Variants in RGS7 observed in about 807,000 individuals in gnomAD.
RGS7 encodes regulator of G protein signaling 7.
In RGS7, 27 loss-of-function variants were observed where a neutral mutation model predicts 81.1. That is an observed-to-expected ratio of 0.33 (90% confidence interval 0.25 to 0.46). The LOEUF (loss-of-function observed/expected upper bound fraction) is 0.46, where lower values mean the gene tolerates loss of function less well. Ranked by LOEUF, RGS7 falls within the 20% of genes least tolerant of loss-of-function variation. The pLI, the probability that RGS7 is intolerant of heterozygous loss-of-function variation, is 1.00. For synonymous variants in RGS7, 208 were observed against 207.7 expected (o/e 1.00, Z -0.01); for missense variants, 396 against 607.4 (o/e 0.65, Z 3.66).
rs770058894 is a variant in RGS7, at chr1:240,870,117, C to T, written c.388G>A (p.Val130Ile). ...CWEPENTDYA[V>I]YLCKRTMQNK... ...TGCATTGTTCTCTTGCAGAGGTAAA[C>T]GGCTGAAAAAAAAATCAATCATTTC... The change falls in exon 7 of 19, where the codon GTT becomes ATT. Residue 130 changes from valine (V) to isoleucine (I), a missense_variant and splice_region_variant. Physicochemically the swap from Val to Ile is conservative, Grantham distance 29. Coordinates refer to ENST00000440928, the MANE Select transcript of RGS7 (RefSeq NM_001364886.1). 8 of 1,613,276 alleles carry T rather than the reference C, an allele frequency of 5.0e-6. No individual in the cohort carries two copies. Among genetic ancestry groups the T allele is most frequent in the African/African-American group, 1.3e-5 (1 of 74,788 alleles).
chr1:241,330,161 G>A (rs963903051), intron 2 of RGS7, among the ~76,000 whole-genome samples: 1 of 152,004 alleles, frequency 6.6e-6, no homozygotes. Context: ...GGATGGTCTC[G>A]ATCTCCTGAC....
chr1:240,904,141 C>T (rs959111309), intron 6 of RGS7, among the ~76,000 whole-genome samples: 4 of 152,112 alleles, frequency 2.6e-5, no homozygotes, highest in South Asian at 2.1e-4. Flanking sequence ...CTCTTAGTTC[C>T]AAGACACAAC....
intron 2 of RGS7, among the ~76,000 whole-genome samples, chr1:241,260,920 T>G: frequency 1.3e-5 from 1 of 78,410 alleles, no homozygotes; most frequent in Non-Finnish European, 2.4e-5. Flanking sequence ...TGGGGACTGT[T>G]GTGGGGTGGG....
At chr1:241,032,549 T>G (rs1438570193) in intron 3 of RGS7, among the ~76,000 whole-genome samples, 1 of 152,196 alleles carries the variant, frequency 6.6e-6, no homozygotes, top group Non-Finnish European at 1.5e-5. Flanking sequence ...TTGCATTGAA[T>G]CTGTAGATTG....
chr1:241,323,295 CA>C (rs1347817066), intron 2 of RGS7, among the ~76,000 whole-genome samples: 1 of 152,204 alleles, frequency 6.6e-6, no homozygotes, highest in Non-Finnish European at 1.5e-5. Context: ...AATGTTGTGA[CA>C]ATTTTTTTCA....
chr1:241,250,855 G>A (rs2076794921), intron 2 of RGS7, among the ~76,000 whole-genome samples: 1 of 152,178 alleles, frequency 6.6e-6, no homozygotes, highest in South Asian at 2.1e-4. Context: ...TGGCTCTCTG[G>A]AAGCCCCTCC....
At chr1:241,261,640 A>T (rs868721226) in intron 2 of RGS7, among the ~76,000 whole-genome samples, 1 of 151,374 alleles carries the variant, frequency 6.6e-6, no homozygotes, top group Admixed American at 6.6e-5. Flanking sequence ...AAAAAAAAAA[A>T]AAAAAAAAAT....
chr1:240,952,781 T>C (rs1679776748), intron 4 of RGS7, among the ~76,000 whole-genome samples: 1 of 151,732 alleles, frequency 6.6e-6, no homozygotes, highest in Non-Finnish European at 1.5e-5. Flanking sequence ...AAGACCTGAC[T>C]ATACATGTAT....
intron 3 of RGS7, among the ~76,000 whole-genome samples, chr1:240,986,490 T>C (rs1685683991): frequency 6.6e-6 from 1 of 152,096 alleles, no homozygotes. Context: ...CTCCCCAAAT[T>C]CTATTTTCAC....
intron 3 of RGS7, among the ~76,000 whole-genome samples, chr1:241,007,414 G>A (rs79052127): frequency 0.063 from 9,646 of 152,140 alleles, 365 homozygotes; most frequent in South Asian, 0.086. Flanking sequence ...TATGTTATTA[G>A]TAAAGCTTTT....
At chr1:240,876,140 T>G (rs1160471027) in intron 6 of RGS7, among the ~76,000 whole-genome samples, 2 of 152,164 alleles carry the variant, frequency 1.3e-5, no homozygotes, top group Non-Finnish European at 2.9e-5. Context: ...TTTCAACTCT[T>G]CCACCCATAG....
At position 241,028,484 on chromosome 1, in the gene RGS7, A is replaced by C. The variant is rs534749432; in HGVS notation, c.176-45355T>G. ...GACAAGACGCACAGTACACAGCCCC[A>C]GGCCACTGGGTTCACTTCATCATTA... On this transcript the variant is annotated intron_variant, in intron 3 of 18. Coordinates refer to ENST00000440928, the MANE Select transcript of RGS7 (RefSeq NM_001364886.1). 2.5e-3 allele frequency among the ~76,000 whole-genome samples: 388 copies of C among 152,294 alleles called. 3 individuals are homozygous for C. Among genetic ancestry groups the C allele is most frequent in the Non-Finnish European group, 3.7e-3 (249 of 68,026 alleles).
chr1:240,816,915 C>T (rs1436660204), intron 10 of RGS7, among the ~76,000 whole-genome samples: 1 of 152,156 alleles, frequency 6.6e-6, no homozygotes, highest in Non-Finnish European at 1.5e-5. Flanking sequence ...ATAGAAGACA[C>T]CAGGGTACTC....
At chr1:240,779,142 TCTCA>T (rs1683524536) in intron 18 of RGS7, among the ~76,000 whole-genome samples, 1 of 150,830 alleles carries the variant, frequency 6.6e-6, no homozygotes, top group Non-Finnish European at 1.5e-5. Flanking sequence ...TGTGTGACAG[TCTCA>T]CTCTGTTGCC....
At chr1:241,286,179 C>A (rs1401689184) in intron 2 of RGS7, among the ~76,000 whole-genome samples, 1 of 152,132 alleles carries the variant, frequency 6.6e-6, no homozygotes, top group Admixed American at 6.5e-5. Flanking sequence ...TAAGACTTCA[C>A]CAATTCTGTA....
intron 4 of RGS7, among the ~76,000 whole-genome samples, chr1:240,948,386 T>C (rs1407093427): frequency 5.9e-5 from 9 of 152,128 alleles, no homozygotes; most frequent in Non-Finnish European, 1.2e-4. Context: ...ATAGCACAAA[T>C]TCTTAGAAAT....
At chr1:240,974,463 C>CA (rs1388689870) in intron 4 of RGS7, among the ~76,000 whole-genome samples, 2 of 152,032 alleles carry the variant, frequency 1.3e-5, no homozygotes, top group South Asian at 4.1e-4. Context: ...TCCCATCAGT[C>CA]AAAAAAACAA....
At chr1:241,243,764 A>G (rs1375564421) in intron 2 of RGS7, among the ~76,000 whole-genome samples, 1 of 152,202 alleles carries the variant, frequency 6.6e-6, no homozygotes, top group Non-Finnish European at 1.5e-5. Context: ...GAAAGTGGTC[A>G]CCTTATTTTA....
chr1:241,214,494 T>C (rs2074435487), intron 2 of RGS7, among the ~76,000 whole-genome samples: 1 of 152,104 alleles, frequency 6.6e-6, no homozygotes, highest in African/African-American at 2.4e-5. Flanking sequence ...GCTTAAGGTG[T>C]GGTTTTCTTT....
Sources: gnomAD v4.1 joint callset for allele counts (sites outside exome capture counted in the v4.1 genomes callset) on GRCh38, gnomAD v4.1.1 for gene constraint, MANE v1.5 for transcripts, NCBI Gene and HGNC (gene_info 2026-07-23, HGNC 2026-07-21) for gene names.